SLC24A2: variants seen among roughly 807,000 people sequenced by gnomAD.
SLC24A2 encodes sodium/potassium/calcium exchanger 2.
In SLC24A2, 36 loss-of-function variants were observed where a neutral mutation model predicts 62.0. The observed-to-expected ratio is 0.58, with a 90% CI of 0.44 to 0.77. The LOEUF (loss-of-function observed/expected upper bound fraction) is 0.77. Ranked by LOEUF, SLC24A2 falls within the 30% of genes least tolerant of loss-of-function variation. The pLI is 0.00. For missense variants in SLC24A2, 846 were observed against 817.9 expected, an observed-to-expected ratio of 1.03 and a Z score of -0.42; for synonymous variants, 358 against 294.0, an observed-to-expected ratio of 1.22 and a Z score of -2.23.
chr9:20,240,584 A>T, the SLC24A2 span, among the ~76,000 whole-genome samples: 1 of 152,150 alleles, frequency 6.6e-6, no homozygotes, highest in African/African-American at 2.4e-5. Context: ...TGGATGTATT[A>T]ATGGGAGTAG....
At chr9:19,793,598 T>C (rs1170099413), upstream of SLC24A2, among the ~76,000 whole-genome samples, 4 of 152,208 alleles carry the variant, frequency 2.6e-5, no homozygotes, top group Non-Finnish European at 4.4e-5. Flanking sequence ...TGTTTGCTAA[T>C]CTCTTTTCAA....
At chr9:19,565,979 G>A (rs1412485314) in intron 7 of SLC24A2, among the ~76,000 whole-genome samples, 3 of 151,778 alleles carry the variant, frequency 2.0e-5, no homozygotes, top group Non-Finnish European at 2.9e-5. Flanking sequence ...ATGGATTAAA[G>A]ACTTAAATGT....
intron 2 of SLC24A2, among the ~76,000 whole-genome samples, chr9:19,751,871 G>A (rs1169247021): frequency 3.9e-5 from 6 of 152,196 alleles, no homozygotes; most frequent in Non-Finnish European, 8.8e-5. Flanking sequence ...AGAGATAGAA[G>A]AAGACTTGGC....
chr9:19,996,084 G>A, the SLC24A2 span, among the ~76,000 whole-genome samples: 1 of 152,230 alleles, frequency 6.6e-6, no homozygotes, highest in Non-Finnish European at 1.5e-5. Context: ...AAAGATGCTT[G>A]TAACTGTGCA....
intron 2 of SLC24A2, among the ~76,000 whole-genome samples, chr9:19,665,391 G>T (rs530145092): frequency 3.3e-4 from 50 of 152,232 alleles, no homozygotes; most frequent in South Asian, 1.0e-3. Context: ...TGGCAGCTGG[G>T]ATGCTCAGGT....
chr9:20,162,419 G>A, the SLC24A2 span, among the ~76,000 whole-genome samples: 3 of 151,878 alleles, frequency 2.0e-5, no homozygotes, highest in Non-Finnish European at 4.4e-5. Context: ...ACCCTCCCAA[G>A]ACTAAACCAG....
the SLC24A2 span, among the ~76,000 whole-genome samples, chr9:20,258,493 G>T: frequency 6.6e-6 from 1 of 152,114 alleles, no homozygotes; most frequent in Admixed American, 6.5e-5. Context: ...GGAACAAAAC[G>T]CTATAAGAAG....
chr9:20,023,503 G>T, the SLC24A2 span, among the ~76,000 whole-genome samples: 1 of 152,146 alleles, frequency 6.6e-6, no homozygotes, highest in Non-Finnish European at 1.5e-5. Flanking sequence ...GGTGACCTCA[G>T]ATTTCACTTA....
At chr9:20,289,766 G>T in the SLC24A2 span, among the ~76,000 whole-genome samples, 11 of 152,234 alleles carry the variant, frequency 7.2e-5, no homozygotes, top group South Asian at 2.3e-3. Flanking sequence ...GCCTCCTCCT[G>T]TTATATCAGG....
chr9:19,669,077 T>C (rs1819339583), intron 2 of SLC24A2, among the ~76,000 whole-genome samples: 2 of 152,248 alleles, frequency 1.3e-5, no homozygotes, highest in South Asian at 4.1e-4. Context: ...ATTGTATTTA[T>C]ATCTTATACG....
At chr9:19,877,268 T>C in the SLC24A2 span, among the ~76,000 whole-genome samples, 1 of 148,992 alleles carries the variant, frequency 6.7e-6, no homozygotes, top group Non-Finnish European at 1.5e-5. Context: ...TTAGACTGAG[T>C]TTGAGGAAAA....
the SLC24A2 span, among the ~76,000 whole-genome samples, chr9:19,828,749 T>C: frequency 6.6e-6 from 1 of 152,094 alleles, no homozygotes; most frequent in African/African-American, 2.4e-5. Context: ...AATAACACAT[T>C]GCTTGAGGGG....
chr9:20,018,898 T>TAC, the SLC24A2 span, among the ~76,000 whole-genome samples: 1 of 151,958 alleles, frequency 6.6e-6, no homozygotes, highest in Admixed American at 6.6e-5. Context: ...ACCCTGTGTC[T>TAC]ACAAAACATG....
chr9:19,933,749 G>A, the SLC24A2 span, among the ~76,000 whole-genome samples: 38 of 152,266 alleles, frequency 2.5e-4, no homozygotes, highest in Admixed American at 6.5e-4. Flanking sequence ...ATGGATAAAC[G>A]AAATGTGGTA....
chr9:20,209,157 T>TGCTC, the SLC24A2 span, among the ~76,000 whole-genome samples: 4 of 152,226 alleles, frequency 2.6e-5, no homozygotes, highest in East Asian at 7.7e-4. Flanking sequence ...CTATTATGAT[T>TGCTC]GCTCACACCA....
At chr9:19,756,972 C>T (rs1587276516) in intron 2 of SLC24A2, among the ~76,000 whole-genome samples, 3 of 125,974 alleles carry the variant, frequency 2.4e-5, no homozygotes, top group South Asian at 5.6e-4. Context: ...GTAAGTGGCA[C>T]CATCATTACT....
the SLC24A2 span, among the ~76,000 whole-genome samples, chr9:20,291,541 G>A: frequency 6.6e-6 from 1 of 152,088 alleles, no homozygotes; most frequent in East Asian, 1.9e-4. Context: ...CTTATAAATG[G>A]AGAATGAGGC....
At chr9:20,234,060 T>C in the SLC24A2 span, among the ~76,000 whole-genome samples, 1 of 152,252 alleles carries the variant, frequency 6.6e-6, no homozygotes. Flanking sequence ...TGGTCCCCAC[T>C]CTCTTCTGGC....
intron 2 of SLC24A2, among the ~76,000 whole-genome samples, chr9:19,744,754 A>G (rs1038957376): frequency 1.8e-4 from 28 of 152,172 alleles, no homozygotes; most frequent in Admixed American, 1.3e-4. Context: ...CCCAACTATA[A>G]GTTTCACCTA....
Sources: gnomAD v4.1 joint callset for allele counts (sites outside exome capture counted in the v4.1 genomes callset) on GRCh38, gnomAD v4.1.1 for gene constraint, MANE v1.5 for transcripts, NCBI Gene and HGNC (gene_info 2026-07-23, HGNC 2026-07-21) for gene names.